BRF1: variants seen among roughly 807,000 people sequenced by gnomAD.
BRF1 encodes BRF1 general transcription factor IIIB subunit.
A neutral mutation model predicts 81.7 loss-of-function variants in BRF1; 59 were observed. The ratio of observed to expected loss-of-function variants is 0.72; its 90% CI spans 0.59 to 0.90. The LOEUF (loss-of-function observed/expected upper bound fraction) is 0.90, where lower values mean the gene tolerates loss of function less well. Among genes scored for constraint, BRF1 ranks in the 40% least tolerant of loss-of-function variants. BRF1 has a pLI of 0.00. For synonymous variants in BRF1, 491 were observed against 395.6 expected, an observed-to-expected ratio of 1.24 and a Z score of -2.86; for missense variants, 1,050 against 936.3, an observed-to-expected ratio of 1.12 and a Z score of -1.58.
chr14:105,219,750 T>G (rs1259561872), intron 12 of BRF1: 28 of 479,672 alleles, frequency 5.8e-5, no homozygotes, highest in Non-Finnish European at 9.9e-5. Flanking sequence ...GGTGCCCTCT[T>G]GTGTCTAGAG....
In BRF1 at chr14:105,250,825, C is replaced by T. The variant is rs1165824349; in HGVS notation, c.544+1682G>A. 8.7e-6 allele frequency: 7 copies of T among 801,054 alleles called. No individual in the cohort carries two copies. The East Asian group carries it at 1.9e-4, about 22-fold the overall frequency. 49.6% of individuals were successfully genotyped at this position (801,054 alleles called of 1,614,324 possible). A position where few individuals can be genotyped will look rare whatever the true frequency, so the allele number is the denominator to read the frequency against. On this transcript the variant is annotated intron_variant, in intron 5 of 17. Transcript: ENST00000547530. ...TGACTGTGTAGAGACATTTTCCACA[C>T]AGCCAGAACCCAGGGATTGGAGTCT...
upstream of BRF1, chr14:105,301,128 G>C (rs1432657240): frequency 3.3e-5 from 5 of 152,638 alleles, no homozygotes; most frequent in Non-Finnish European, 5.8e-5. Context: ...GCCGGGGACG[G>C]GACCCAAGGC....
At chr14:105,246,700 G>A (rs1396131556) in intron 5 of BRF1, among the ~76,000 whole-genome samples, 5 of 149,142 alleles carry the variant, frequency 3.4e-5, no homozygotes, top group South Asian at 2.1e-4. Context: ...CAAGTGATCC[G>A]CCCACCTTGG....
At chr14:105,248,245 C>T in intron 5 of BRF1, 2 of 985,514 alleles carry the variant, frequency 2.0e-6, no homozygotes, top group Non-Finnish European at 2.4e-6. Flanking sequence ...GACCATCCCA[C>T]AGGCCGCGGC....
At position 105,256,118 on chromosome 14, in the gene BRF1, C is replaced by G. The variant is rs1406980643; in HGVS notation, c.471+400G>C. ...CCAGCCTGGGTGACAGAGCGAGACT[C>G]CATCTCATAAATAAATAAATAAATA... On this transcript the variant is annotated intron_variant, in intron 4 of 17. Transcript: ENST00000547530. 3.1e-6 allele frequency: 4 copies of G among 1,284,294 alleles called. No homozygotes were observed. In the East Asian group the frequency reaches 1.4e-4, roughly 44 times the overall value. 79.6% of individuals were successfully genotyped at this position (1,284,294 alleles called of 1,614,324 possible).
chr14:105,229,547 C>A (rs961172885), intron 6 of BRF1, among the ~76,000 whole-genome samples: 2 of 152,216 alleles, frequency 1.3e-5, no homozygotes, highest in East Asian at 1.9e-4. Flanking sequence ...ACGGCCACAT[C>A]CACCCACCAG....
At chr14:105,306,248 C>T (rs771104295) in intron 1 of BRF1, among the ~76,000 whole-genome samples, 10 of 152,176 alleles carry the variant, frequency 6.6e-5, no homozygotes, top group Non-Finnish European at 1.2e-4. Context: ...ACTTCCCCTC[C>T]TGGAGGCTTT....
intron 7 of BRF1, chr14:105,227,729 GC>G (rs1293096601): frequency 3.3e-5 from 5 of 152,244 alleles, no homozygotes; most frequent in Non-Finnish European, 5.9e-5. Context: ...GAGCCATGGG[GC>G]TCAGTTCTTA....
chr14:105,301,099 G>C (rs1433160026), upstream of BRF1: 2 of 152,330 alleles, frequency 1.3e-5, no homozygotes, highest in Non-Finnish European at 1.5e-5. Context: ...GCTAAGGGTG[G>C]GGCCTCGCGG....
chr14:105,283,157 ACATCACTGC>A (rs1197479520), intron 2 of BRF1, among the ~76,000 whole-genome samples: 3 of 152,286 alleles, frequency 2.0e-5, no homozygotes, highest in African/African-American at 7.2e-5. Context: ...GCAGAGGAGG[ACATCACTGC>A]CACAGCAGGG....
intron 3 of BRF1, among the ~76,000 whole-genome samples, chr14:105,263,615 T>G (rs1295290843): frequency 4.6e-5 from 7 of 152,042 alleles, no homozygotes; most frequent in Admixed American, 1.3e-4. Flanking sequence ...CTGCGTGCTC[T>G]CTGCTTGCTC....
intron 3 of BRF1, among the ~76,000 whole-genome samples, chr14:105,261,670 C>G (rs1370927090): frequency 2.0e-5 from 3 of 152,216 alleles, no homozygotes; most frequent in Non-Finnish European, 4.4e-5. Context: ...ACTGGATACC[C>G]AAAGAGAGAA....
chr14:105,308,611 T>G (rs1334419533), intron 1 of BRF1, among the ~76,000 whole-genome samples: 1 of 151,212 alleles, frequency 6.6e-6, no homozygotes, highest in Non-Finnish European at 1.5e-5. Context: ...GCCTTCTGAG[T>G]AGCTGGGATT....
At chr14:105,224,268 G>A (rs1892748444) in intron 10 of BRF1, among the ~76,000 whole-genome samples, 1 of 152,190 alleles carries the variant, frequency 6.6e-6, no homozygotes, top group Non-Finnish European at 1.5e-5. Context: ...ACTCAGGAGG[G>A]TGAGGCAGGA....
chr14:105,241,322 T>C lies in BRF1; in HGVS notation c.637A>G (p.Arg213Gly). The change falls in exon 6 of 18, where the codon AGG (arginine) becomes GGG (glycine). Residue 213 changes from arginine (R) to glycine (G), a missense_variant. Arg to Gly is a moderately radical substitution (Grantham distance 125). Coordinates refer to ENST00000547530, the MANE Select transcript of BRF1 (RefSeq NM_001519.4). ...GTGTGCATCCAGTCCCGCTTCATCC[T>C]CTGTAGGAGCCTCAGGGCAGTCATG... ...VSMTALRLLQRMKRDWMHTGR... is the reference protein window; with the variant it reads ...VSMTALRLLQGMKRDWMHTGR... 6.2e-7 allele frequency: 1 copy of C among 1,612,726 alleles called. No individual in the cohort carries two copies. Among genetic ancestry groups the C allele is most frequent in the Non-Finnish European group, 8.5e-7 (1 of 1,179,934 alleles).
intron 5 of BRF1, among the ~76,000 whole-genome samples, chr14:105,246,292 G>A (rs867829933): frequency 2.0e-5 from 3 of 152,030 alleles, no homozygotes; most frequent in Non-Finnish European, 2.9e-5. Flanking sequence ...AAGCACATGA[G>A]TAGATGGTCA....
At position 105,209,659 on chromosome 14, in the gene BRF1, C is replaced by T; in HGVS notation, c.*892G>A. The stretch of plus-strand genomic sequence containing the variant: ...TCTGCCCTCCCTCCTCGATGGGGGG[C>T]CTGATCCAGCTCTGACAGGGAGCGC... On this transcript the variant is annotated 3_prime_UTR_variant, in exon 18 of 18. Coordinates refer to ENST00000547530, the MANE Select transcript of BRF1 (RefSeq NM_001519.4). 1 of 678,600 alleles carries T rather than the reference C, an allele frequency of 1.5e-6. No individual in the cohort carries two copies. Among genetic ancestry groups the T allele is most frequent in the South Asian group, 1.6e-5 (1 of 64,360 alleles). 42.0% of individuals were successfully genotyped at this position (678,600 alleles called of 1,614,324 possible). A position where few individuals can be genotyped will look rare whatever the true frequency, so the allele number is the denominator to read the frequency against.
intron 5 of BRF1, chr14:105,250,080 C>T (rs1161994460): frequency 6.2e-7 from 1 of 1,612,898 alleles, no homozygotes; most frequent in South Asian, 1.1e-5. Context: ...CCAACCATGA[C>T]CCTAGAGGAG....
chr14:105,219,191 C>G lies in BRF1; in HGVS notation c.1419G>C (p.Leu473=), dbSNP rs1891837108. 1 of 1,612,736 alleles carries G rather than the reference C, an allele frequency of 6.2e-7. No individual in the cohort carries two copies. The highest frequency in any genetic ancestry group is 8.5e-7 in the Non-Finnish European group (1 of 1,179,024). ...NESEARVKAE[L]WMRENAEYLR... The stretch of plus-strand genomic sequence containing the variant: ...GGTACTCGGCGTTCTCCCTCATCCA[C>G]AGCTCGGCCTTCACGCGGGCTTCCG... Residue 473 remains leucine (L), a synonymous_variant, in exon 13 of 18, where the codon CTG becomes CTC. Transcript: ENST00000547530.
Sources: allele counts gnomAD v4.1 joint callset (sites outside exome capture counted in the v4.1 genomes callset), GRCh38; gene constraint gnomAD v4.1.1; transcripts MANE v1.5; gene names NCBI Gene and HGNC (gene_info 2026-07-23, HGNC 2026-07-21).